The following DNAH11 variants were observed in gnomAD, a reference collection of about 807,000 sequenced individuals.
DNAH11 encodes axonemal beta dynein heavy chain 11.
Under a neutral mutation model 526.0 loss-of-function variants are expected in DNAH11, and 442 were observed. The observed-to-expected ratio is 0.84, with a 90% CI of 0.78 to 0.91. The LOEUF (loss-of-function observed/expected upper bound fraction) is 0.91, where lower values mean the gene tolerates loss of function less well. Among genes scored for constraint, DNAH11 ranks in the 40% least tolerant of loss-of-function variants. The pLI is 0.00. For synonymous variants in DNAH11, 2,461 were observed against 1,935.9 expected (o/e 1.27, Z -7.12); for missense variants, 6,989 against 5,448.7 (o/e 1.28, Z -8.90).
intron 74 of DNAH11, 32 bp from the exon 75 acceptor site, chr7:21,880,670 G>T (rs1280656052): frequency 6.2e-7 from 1 of 1,610,960 alleles, no homozygotes; most frequent in East Asian, 2.2e-5. Context: ...CATACAGATG[G>T]ATAATCAAGC....
chr7:21,822,889 C>T (rs1349064440), intron 65 of DNAH11, among the ~76,000 whole-genome samples: 3 of 148,636 alleles, frequency 2.0e-5, no homozygotes, highest in African/African-American at 7.4e-5. Context: ...ACCCGTTGGC[C>T]ATTTGTATGT....
intron 18 of DNAH11, among the ~76,000 whole-genome samples, chr7:21,605,101 A>G (rs1785232123): frequency 6.6e-6 from 1 of 152,226 alleles, no homozygotes; most frequent in African/African-American, 2.4e-5. Flanking sequence ...CTGACAGATT[A>G]TAAAACAATT....
chr7:21,597,006 T>A (rs943053779), intron 14 of DNAH11, among the ~76,000 whole-genome samples: 6 of 152,234 alleles, frequency 3.9e-5, no homozygotes. Context: ...TGTAGAAATA[T>A]GGCCAAGGGT....
intron 65 of DNAH11, among the ~76,000 whole-genome samples, chr7:21,822,966 T>C (rs1208033907): frequency 7.0e-6 from 1 of 142,110 alleles, no homozygotes; most frequent in East Asian, 2.1e-4. Context: ...GCTTTTTTTT[T>C]TTTTTTTTTT....
At position 21,816,605 on chromosome 7, in the gene DNAH11, C is replaced by G. The variant is rs1162504533; in HGVS notation, c.10471C>G (p.Arg3491Gly). The change falls in exon 64 of 82, where the codon CGC (arginine) becomes GGC (glycine). Residue 3491 changes from arginine (R) to glycine (G), a missense_variant. By Grantham distance (125) the Arg-to-Gly change is moderately radical. Transcript: ENST00000409508. ...ENAAILTHCE[R>G]WPLVIDPQQQ... ...TGCCGCTATCCTAACACACTGTGAG[C>G]GCTGGCCTCTGGTGATAGATCCCCA... The G allele has an allele frequency of 6.2e-7, 1 of 1,613,688 alleles. No individual in the cohort carries two copies. The highest frequency in any genetic ancestry group is 1.7e-5 in the Admixed American group (1 of 59,928).
intron 28 of DNAH11, among the ~76,000 whole-genome samples, chr7:21,654,733 T>A (rs142640272): frequency 6.6e-6 from 1 of 152,166 alleles, no homozygotes; most frequent in East Asian, 1.9e-4. Flanking sequence ...TTCTGATACT[T>A]CTTCTGGGCC....
chr7:21,886,280 T>C (rs367974282), intron 76 of DNAH11, among the ~76,000 whole-genome samples: 10 of 152,322 alleles, frequency 6.6e-5, no homozygotes, highest in East Asian at 3.9e-4. Flanking sequence ...ACTAAAATCA[T>C]ATTAGTCTAA....
At chr7:21,668,498 A>G (rs1782510211) in intron 30 of DNAH11, among the ~76,000 whole-genome samples, 1 of 152,108 alleles carries the variant, frequency 6.6e-6, no homozygotes, top group Non-Finnish European at 1.5e-5. Flanking sequence ...TTCTAATATT[A>G]CTCATGGTAT....
rs185630150 is a variant in DNAH11 at position 21,610,271 on chromosome 7, A to G, written c.3852+3538A>G. On this transcript the variant is annotated intron_variant, in intron 20 of 81. Coordinates refer to ENST00000409508, the MANE Select transcript of DNAH11 (RefSeq NM_001277115.2). ...TCCATCTCAAAAAAACAAAAACAAA[A>G]CAGAAAAAGATACTCTGGGAGTTTG... Among the ~76,000 whole-genome samples the G allele has an allele frequency of 2.0e-5, 3 of 152,162 alleles. No homozygotes were observed. In the East Asian group the frequency reaches 5.8e-4, roughly 29 times the overall value.
At chr7:21,643,579 T>A (rs1057054973) in intron 28 of DNAH11, among the ~76,000 whole-genome samples, 1 of 152,214 alleles carries the variant, frequency 6.6e-6, no homozygotes, top group African/African-American at 2.4e-5. Flanking sequence ...GCTAAGGAAC[T>A]GACTTTTTAT....
chr7:21,723,374 A>G (rs901555116), intron 44 of DNAH11, among the ~76,000 whole-genome samples: 1 of 152,238 alleles, frequency 6.6e-6, no homozygotes, highest in East Asian at 1.9e-4. Context: ...TTCAAACAGC[A>G]GCGGACTGAC....
At chr7:21,838,002 A>C (rs1782058744) in intron 65 of DNAH11, among the ~76,000 whole-genome samples, 1 of 152,232 alleles carries the variant, frequency 6.6e-6, no homozygotes, top group Non-Finnish European at 1.5e-5. Flanking sequence ...TCAGTCATAC[A>C]CATCCTGAAG....
intron 21 of DNAH11, 106 bp downstream of exon 21, chr7:21,615,378 A>G (rs1433241111): frequency 1.5e-6 from 2 of 1,299,970 alleles, no homozygotes; most frequent in Admixed American, 2.7e-5. Flanking sequence ...GTCTTGAAAT[A>G]TGTGGAAATT....
At chr7:21,752,528 T>C (rs1408186053) in intron 54 of DNAH11, among the ~76,000 whole-genome samples, 1 of 152,200 alleles carries the variant, frequency 6.6e-6, no homozygotes, top group Non-Finnish European at 1.5e-5. Context: ...TTTCCTATTC[T>C]TTTGTTTGTC....
intron 18 of DNAH11, among the ~76,000 whole-genome samples, chr7:21,605,351 A>C (rs889466890): frequency 2.0e-5 from 3 of 152,218 alleles, no homozygotes; most frequent in South Asian, 2.1e-4. Flanking sequence ...ACCGAGAGGA[A>C]CAATTCTTTG....
At chr7:21,870,768 T>A (rs1490810949) in intron 73 of DNAH11, among the ~76,000 whole-genome samples, 1 of 152,268 alleles carries the variant, frequency 6.6e-6, no homozygotes, top group Non-Finnish European at 1.5e-5. Context: ...GGATCTACTT[T>A]TGGATATTTG....
chr7:21,698,255 T>C (rs2128477161), intron 36 of DNAH11, 42 bp downstream of exon 36: 1 of 1,604,934 alleles, frequency 6.2e-7, no homozygotes, highest in Non-Finnish European at 8.5e-7. Context: ...TTACATACCA[T>C]TGAAAAAGCT....
At chr7:21,586,146 C>T (rs1159868019) in intron 9 of DNAH11, among the ~76,000 whole-genome samples, 1 of 152,076 alleles carries the variant, frequency 6.6e-6, no homozygotes, top group Non-Finnish European at 1.5e-5. Flanking sequence ...TATGTATTTT[C>T]TCTTGAAAAC....
intron 65 of DNAH11, among the ~76,000 whole-genome samples, chr7:21,818,859 A>G (rs938533394): frequency 6.6e-6 from 1 of 152,166 alleles, no homozygotes. Context: ...TGCCAACAGT[A>G]ATGGATTGTC....
Sources: allele counts gnomAD v4.1 joint callset (sites outside exome capture counted in the v4.1 genomes callset), GRCh38; gene constraint gnomAD v4.1.1; transcripts MANE v1.5; gene names NCBI Gene and HGNC (gene_info 2026-07-23, HGNC 2026-07-21).